The following MAGEC3 variants were observed in gnomAD, a reference collection of about 807,000 sequenced individuals.
MAGEC3 encodes the protein MAGE family member C3, also known as melanoma-associated antigen C3.
In MAGEC3, 34 loss-of-function variants were observed where a neutral mutation model predicts 35.3. The ratio of observed to expected loss-of-function variants is 0.96; its 90% CI spans 0.73 to 1.28. The LOEUF (loss-of-function observed/expected upper bound fraction) is 1.28. Ranked by LOEUF, MAGEC3 falls within the 50% of genes most tolerant of loss-of-function variation. The pLI, the probability that MAGEC3 is intolerant of heterozygous loss-of-function variation, is 0.00. For missense variants in MAGEC3, 561 were observed against 483.6 expected (o/e 1.16, Z -1.50); for synonymous variants, 202 against 185.6 (o/e 1.09, Z -0.72).
At chrX:141,896,708 C>G in intron 6 of MAGEC3, 174 bp from the exon 7 acceptor site, 2 of 1,211,684 alleles carry the variant, frequency 1.7e-6, no homozygotes, top group Non-Finnish European at 2.2e-6. Context: ...TTCCAGAACC[C>G]GAGTGTGACA....
Position 141,895,354 on chromosome X carries a change from A to G in MAGEC3, c.995A>G (p.Glu332Gly). Residue 332 changes from glutamate (E) to glycine (G), a missense_variant, in exon 5 of 8, where the codon GAG becomes GGG. Glu to Gly is a moderately conservative substitution (Grantham distance 98, BLOSUM62 -2). Transcript: ENST00000298296. ...GAAGGACCTGAAGCATTTTGCGAGG[A>G]GTCTGGACTCAGGTCAGCAGAGGGA... Reference protein sequence around the residue: ...ESEGPEAFCEESGLRSAEGSV... With the variant: ...ESEGPEAFCEGSGLRSAEGSV... The G allele has an allele frequency of 8.3e-7, 1 of 1,210,810 alleles. No individual in the cohort carries two copies. Among genetic ancestry groups the G allele is most frequent in the Non-Finnish European group, 1.1e-6 (1 of 895,203 alleles).
At position 141,881,811 on chromosome X, in the gene MAGEC3, G is replaced by C. The variant is rs1482668378; in HGVS notation, c.909+15G>C. The C allele has an allele frequency of 8.3e-7, 1 of 1,210,833 alleles. No individual in the cohort carries two copies. The highest frequency in any genetic ancestry group is 1.1e-6 in the Non-Finnish European group (1 of 895,079). On this transcript the variant is annotated intron_variant, in intron 4 of 7. Transcript: ENST00000298296. ...ATGCAATAGGGGTGTGTGCTCAGAG[G>C]GAGCATTTCGTCTATCGGGAGCCCA...
intron 1 of MAGEC3, among the ~76,000 whole-genome samples, chrX:141,844,139 A>G (rs1339576787): frequency 9.0e-6 from 1 of 111,379 alleles, no homozygotes; most frequent in East Asian, 2.8e-4. Context: ...GTGCAATTAT[A>G]GTTCACTTAG....
chrX:141,867,576 C>T (rs1411320454), intron 2 of MAGEC3, among the ~76,000 whole-genome samples: 1 of 111,833 alleles, frequency 8.9e-6, no homozygotes, highest in Non-Finnish European at 1.9e-5. Context: ...CCCAAAAACC[C>T]CTCTCGGGTG....
At position 141,895,399 on chromosome X, in the gene MAGEC3, A is replaced by G. The variant is rs374195802; in HGVS notation, c.1040A>G (p.Asn347Ser). Residue 347 changes from asparagine to serine, a missense_variant, in exon 5 of 8, where the codon AAT becomes AGT. Coordinates refer to ENST00000298296, the MANE Select transcript of MAGEC3 (RefSeq NM_138702.1). ...SAEGSVLDLA[N>S]PQGLAGHRQE... is the part of the protein sequence containing the mutation. ...GAGGGAAGCGTCTTAGACCTGGCCAATCCTCAAGGTAAGGGCCCTAAGGGA... is the reference window on the plus strand; with the variant it reads ...GAGGGAAGCGTCTTAGACCTGGCCAGTCCTCAAGGTAAGGGCCCTAAGGGA... 1.2e-5 allele frequency: 14 copies of G among 1,207,899 alleles called. No individual in the cohort carries two copies. Among genetic ancestry groups the G allele is most frequent in the South Asian group, 8.8e-5 (5 of 56,653 alleles).
chrX:141,843,254 A>G (rs1267127207), intron 1 of MAGEC3, among the ~76,000 whole-genome samples: 8 of 111,539 alleles, frequency 7.2e-5, no homozygotes, highest in African/African-American at 2.3e-4. Flanking sequence ...TCTGAGTTTA[A>G]TGTATGAATT....
Position 141,895,568 on chromosome X carries a change from C to A in MAGEC3, c.1123+9C>A. 1 of 1,191,510 alleles carries A rather than the reference C, an allele frequency of 8.4e-7. No individual in the cohort carries two copies. On this transcript the variant is annotated intron_variant, in intron 6 of 7. Transcript: ENST00000298296. ...ACAGAAGAAGGGAGGAGGTGCCAGCCCTCTAGGGAATAAATAGGAAGACAT... is the reference window on the plus strand; with the variant it reads ...ACAGAAGAAGGGAGGAGGTGCCAGCACTCTAGGGAATAAATAGGAAGACAT...
At chrX:141,841,184 T>C (rs1324444424) in intron 1 of MAGEC3, among the ~76,000 whole-genome samples, 1 of 111,353 alleles carries the variant, frequency 9.0e-6, no homozygotes, top group Non-Finnish European at 1.9e-5. Flanking sequence ...CTCTGACTCC[T>C]GTCTCTACCA....
intron 4 of MAGEC3, among the ~76,000 whole-genome samples, chrX:141,884,642 T>C (rs2017989274): frequency 9.0e-6 from 1 of 111,458 alleles, no homozygotes; most frequent in Non-Finnish European, 1.9e-5. Context: ...CCAAAAATGC[T>C]AAGGACTCTA....
At chrX:141,888,459 T>C (rs374902513) in intron 4 of MAGEC3, among the ~76,000 whole-genome samples, 1 of 112,134 alleles carries the variant, frequency 8.9e-6, no homozygotes, top group East Asian at 2.8e-4. Flanking sequence ...AGAAGCATGA[T>C]TGGAAAATTG....
At chrX:141,839,836 G>C in intron 1 of MAGEC3, 1 of 517,808 alleles carries the variant, frequency 1.9e-6, no homozygotes, top group Non-Finnish European at 2.4e-6. Flanking sequence ...TGTCATAATT[G>C]GTGGCAGCAG....
chrX:141,848,708 C>G (rs1482477823), intron 1 of MAGEC3, among the ~76,000 whole-genome samples: 1 of 110,875 alleles, frequency 9.0e-6, no homozygotes, highest in Non-Finnish European at 1.9e-5. Context: ...CTGCCCAAAG[C>G]GATTTATAGA....
intron 4 of MAGEC3, among the ~76,000 whole-genome samples, chrX:141,883,298 G>A (rs1476523178): frequency 1.8e-5 from 2 of 112,450 alleles, no homozygotes; most frequent in Non-Finnish European, 3.8e-5. Context: ...TATTTTAAAT[G>A]TAATGTGGGC....
intron 2 of MAGEC3, among the ~76,000 whole-genome samples, chrX:141,869,685 G>A (rs2017875323): frequency 4.5e-5 from 5 of 111,780 alleles, no homozygotes; most frequent in Non-Finnish European, 1.9e-5. Flanking sequence ...ATCATGTTTT[G>A]AAGAGAATTA....
At chrX:141,842,815 C>G (rs959459390) in intron 1 of MAGEC3, among the ~76,000 whole-genome samples, 1 of 111,647 alleles carries the variant, frequency 9.0e-6, no homozygotes, top group Admixed American at 9.5e-5. Flanking sequence ...CACTTCATCT[C>G]TCCTACATTG....
At chrX:141,865,739 T>G in intron 2 of MAGEC3, 134 bp downstream of exon 2, 1 of 668,250 alleles carries the variant, frequency 1.5e-6, no homozygotes, top group Non-Finnish European at 2.1e-6. Flanking sequence ...TAGACTTCAT[T>G]TTTGGGGCCT....
At chrX:141,887,498 T>C (rs1435131044) in intron 4 of MAGEC3, among the ~76,000 whole-genome samples, 1 of 112,014 alleles carries the variant, frequency 8.9e-6, no homozygotes, top group Non-Finnish European at 1.9e-5. Context: ...AGATATTCCT[T>C]ATAAGGTGAA....
intron 1 of MAGEC3, among the ~76,000 whole-genome samples, chrX:141,840,875 A>G (rs1467175560): frequency 1.8e-5 from 2 of 110,869 alleles, no homozygotes; most frequent in Non-Finnish European, 3.8e-5. Context: ...GGGGATTGAG[A>G]ATGGACCTTG....
intron 4 of MAGEC3, among the ~76,000 whole-genome samples, chrX:141,882,285 G>A (rs745515880): frequency 3.8e-4 from 42 of 111,676 alleles, no homozygotes; most frequent in Non-Finnish European, 6.6e-4. Flanking sequence ...GATTTACCTC[G>A]TTTCCTTTTG....
Sources: gnomAD v4.1 joint callset for allele counts (sites outside exome capture counted in the v4.1 genomes callset) on GRCh38, gnomAD v4.1.1 for gene constraint, MANE v1.5 for transcripts, NCBI Gene and HGNC (gene_info 2026-07-23, HGNC 2026-07-21) for gene names.